The following NDFIP1 variants were observed in gnomAD, a reference collection of about 807,000 sequenced individuals.
The protein encoded by NDFIP1 is NEDD4 family-interacting protein 1.
A neutral mutation model predicts 28.8 loss-of-function variants in NDFIP1; 7 were observed. The observed-to-expected ratio is 0.24, with a 90% confidence interval of 0.14 to 0.46. The LOEUF is 0.46. NDFIP1 is among the 20% of genes least tolerant of loss of function. The pLI, the probability that NDFIP1 is intolerant of heterozygous loss-of-function variation, is 0.99. For missense variants in NDFIP1, 194 were observed against 269.1 expected, an observed-to-expected ratio of 0.72 and a Z score of 1.95; for synonymous variants, 92 against 101.0, an observed-to-expected ratio of 0.91 and a Z score of 0.53.
intron 1 of NDFIP1, among the ~76,000 whole-genome samples, chr5:142,116,589 G>A (rs780662627): frequency 1.6e-4 from 24 of 151,966 alleles, no homozygotes; most frequent in Non-Finnish European, 3.4e-4. Context: ...GGCTAGTCTC[G>A]AACTCCTGAC....
chr5:142,131,247 G>A (rs1013756724), intron 1 of NDFIP1, among the ~76,000 whole-genome samples: 12 of 151,860 alleles, frequency 7.9e-5, no homozygotes, highest in Admixed American at 2.6e-4. Context: ...TAGGATTACA[G>A]GTGTGAGCCA....
chr5:142,125,690 A>G (rs1757163257), intron 1 of NDFIP1, among the ~76,000 whole-genome samples: 1 of 152,124 alleles, frequency 6.6e-6, no homozygotes, highest in Non-Finnish European at 1.5e-5. Context: ...GGAACTGCCA[A>G]ACTTTTCCAC....
Position 142,135,836 on chromosome 5 carries a change from C to T in NDFIP1, c.370+19C>T. 1.9e-6 allele frequency: 3 copies of T among 1,555,512 alleles called. No individual in the cohort carries two copies. The highest frequency in any genetic ancestry group is 2.7e-6 in the Non-Finnish European group (3 of 1,127,370). On this transcript the variant is annotated intron_variant, in intron 4 of 7. Transcript: ENST00000253814. ...TTTTTCAGTAAGTATGTATGCATAT[C>T]AGAACCACCCCCTACAAACTAGAGT...
At chr5:142,110,829 A>G (rs1271084705) in intron 1 of NDFIP1, among the ~76,000 whole-genome samples, 1 of 150,918 alleles carries the variant, frequency 6.6e-6, no homozygotes, top group Non-Finnish European at 1.5e-5. Flanking sequence ...TTATGCAACA[A>G]TCACAGTATT....
intron 3 of NDFIP1, among the ~76,000 whole-genome samples, chr5:142,134,763 A>G (rs1261715419): frequency 6.6e-6 from 1 of 152,204 alleles, no homozygotes; most frequent in African/African-American, 2.4e-5. Flanking sequence ...ATTGTTCATG[A>G]TCATGTTATT....
intron 5 of NDFIP1, among the ~76,000 whole-genome samples, chr5:142,140,321 G>A (rs1292859234): frequency 1.3e-5 from 2 of 151,918 alleles, no homozygotes; most frequent in East Asian, 3.9e-4. Flanking sequence ...GGTGGTATAT[G>A]CCTGTAATCC....
At chr5:142,125,879 G>A (rs1757165124) in intron 1 of NDFIP1, among the ~76,000 whole-genome samples, 1 of 152,142 alleles carries the variant, frequency 6.6e-6, no homozygotes, top group Admixed American at 6.5e-5. Flanking sequence ...TGAGCATTTT[G>A]TGTCTACTGG....
intron 3 of NDFIP1, among the ~76,000 whole-genome samples, chr5:142,135,431 T>C (rs1328952360): frequency 6.6e-6 from 1 of 152,252 alleles, no homozygotes; most frequent in Non-Finnish European, 1.5e-5. Context: ...CTTTGTGAAC[T>C]ATTCTTGAAG....
intron 4 of NDFIP1, among the ~76,000 whole-genome samples, chr5:142,137,251 C>T (rs1757286225): frequency 6.6e-6 from 1 of 152,104 alleles, no homozygotes; most frequent in Non-Finnish European, 1.5e-5. Context: ...CCCTTGACTT[C>T]CTGGGCTCAA....
At chr5:142,142,939 AAATATATAT>A (rs1436306700) in intron 6 of NDFIP1, 2 of 44,956 alleles carry the variant, frequency 4.4e-5, no homozygotes, top group Admixed American at 3.3e-4. Context: ...AAAAAAAAAA[AAATATATAT>A]ATATATATAT....
intron 1 of NDFIP1, among the ~76,000 whole-genome samples, chr5:142,112,256 G>A (rs1362281465): frequency 6.9e-6 from 1 of 144,766 alleles, no homozygotes; most frequent in East Asian, 2.1e-4. Context: ...GTGGTGGCGT[G>A]CACCTGTAGT....
chr5:142,147,446 T>C (rs1244079984), intron 7 of NDFIP1, among the ~76,000 whole-genome samples: 3 of 152,266 alleles, frequency 2.0e-5, no homozygotes, highest in Non-Finnish European at 4.4e-5. Context: ...TATCGATTCT[T>C]TATTATGCTT....
intron 7 of NDFIP1, among the ~76,000 whole-genome samples, chr5:142,148,348 T>C (rs1757412053): frequency 6.6e-6 from 1 of 152,214 alleles, no homozygotes; most frequent in Non-Finnish European, 1.5e-5. Context: ...TCAGAGTCCA[T>C]TTAAGCTTAA....
At chr5:142,120,719 C>T (rs1028839561) in intron 1 of NDFIP1, among the ~76,000 whole-genome samples, 1 of 152,144 alleles carries the variant, frequency 6.6e-6, no homozygotes, top group East Asian at 1.9e-4. Context: ...GTCCCCAGAC[C>T]CCACATCAGT....
At chr5:142,110,182 A>G (rs1756998761) in intron 1 of NDFIP1, among the ~76,000 whole-genome samples, 1 of 152,206 alleles carries the variant, frequency 6.6e-6, no homozygotes, top group Non-Finnish European at 1.5e-5. Context: ...TGGACTCCCA[A>G]AATGACTAGT....
At chr5:142,123,594 G>A (rs1489387439) in intron 1 of NDFIP1, among the ~76,000 whole-genome samples, 1 of 152,146 alleles carries the variant, frequency 6.6e-6, no homozygotes, top group Non-Finnish European at 1.5e-5. Context: ...ACATATCTTA[G>A]ATGAAATCTA....
intron 1 of NDFIP1, among the ~76,000 whole-genome samples, chr5:142,128,388 T>C: frequency 6.6e-6 from 1 of 152,198 alleles, no homozygotes; most frequent in East Asian, 1.9e-4. Context: ...AAATAAATTT[T>C]GGAACCAAGT....
At chr5:142,139,731 G>C (rs4912807) in intron 5 of NDFIP1, among the ~76,000 whole-genome samples, 102,493 of 151,868 alleles carry the variant, frequency 0.67, 34,921 homozygotes, top group African/African-American at 0.78. Flanking sequence ...GGAGTAGGAA[G>C]AAAATCAGGC....
At chr5:142,124,195 C>G (rs1298650581) in intron 1 of NDFIP1, among the ~76,000 whole-genome samples, 1 of 152,086 alleles carries the variant, frequency 6.6e-6, no homozygotes, top group African/African-American at 2.4e-5. Context: ...ATTTGGATGT[C>G]AGACACAGAT....
Sources: allele counts gnomAD v4.1 joint callset (sites outside exome capture counted in the v4.1 genomes callset), GRCh38; gene constraint gnomAD v4.1.1; transcripts MANE v1.5; gene names NCBI Gene and HGNC (gene_info 2026-07-23, HGNC 2026-07-21).